The following FAM118A variants were observed in gnomAD, a reference collection of about 807,000 sequenced individuals.
FAM118A encodes protein FAM118A.
FAM118A carries 25 observed loss-of-function variants against 38.2 expected under a neutral mutation model. That is an observed-to-expected ratio of 0.65 (90% confidence interval 0.48 to 0.91). The LOEUF (loss-of-function observed/expected upper bound fraction) is 0.91. Ranked by LOEUF, FAM118A falls within the 40% of genes least tolerant of loss-of-function variation. The pLI, the probability that FAM118A is intolerant of heterozygous loss-of-function variation, is 0.00. For synonymous variants in FAM118A, 178 were observed against 184.1 expected (o/e 0.97, Z 0.27); for missense variants, 425 against 463.3 (o/e 0.92, Z 0.76).
chr22:45,333,529 C>T (rs2085869066), intron 6 of FAM118A, among the ~76,000 whole-genome samples: 1 of 151,982 alleles, frequency 6.6e-6, no homozygotes, highest in Non-Finnish European at 1.5e-5. Context: ...AAAAAATTAG[C>T]TGGGCATGGT....
At position 45,316,615 on chromosome 22, in the gene FAM118A, CAT is replaced by C. The variant is rs139578172; in HGVS notation, c.-9-5755_-9-5754del. Among the ~76,000 whole-genome samples, 632 of 152,266 alleles carry C rather than the reference CAT, an allele frequency of 4.2e-3. 1 individual carries two copies. The highest frequency in any genetic ancestry group is 7.9e-3 in the Non-Finnish European group (538 of 68,006). On this transcript the variant is annotated intron_variant, in intron 1 of 8. Coordinates refer to ENST00000441876, the MANE Select transcript of FAM118A (RefSeq NM_017911.4). ...GATAGATTCTGGCCTCCTTTAAGGA[CAT>C]TCCAGTCCTCAAGATCCACCCTGGC... is the stretch of plus-strand genomic sequence containing the variant.
intron 7 of FAM118A, 69 bp downstream of exon 7, chr22:45,335,451 T>G: frequency 6.5e-7 from 1 of 1,549,776 alleles, no homozygotes; most frequent in South Asian, 1.1e-5. Context: ...TGTCACTAAC[T>G]GTAAAATCAT....
chr22:45,318,532 T>A (rs1347342049), intron 1 of FAM118A: 1 of 152,218 alleles, frequency 6.6e-6, no homozygotes, highest in Non-Finnish European at 1.5e-5. Context: ...GCTTTTGAGA[T>A]CACCTTACTT....
In FAM118A at chr22:45,336,336, T is replaced by C. The variant is rs771799467; in HGVS notation, c.979T>C (p.Cys327Arg). ...AAATTCTTCTCTTTTAGGTAATGCA[T>C]GCCAGGACTGTGCAAAGAGGAAGTT... ...VDSTTLLGNA[C>R]QDCAKRKLEE... Residue 327 changes from cysteine (C) to arginine (R), a missense_variant, in exon 8 of 9, where the codon TGC becomes CGC. By Grantham distance (180) the Cys-to-Arg change is radical (BLOSUM62 -3). Transcript: ENST00000441876. 1.9e-6 allele frequency: 3 copies of C among 1,613,650 alleles called. No homozygotes were observed. Among genetic ancestry groups the C allele is most frequent in the Admixed American group, 3.3e-5 (2 of 60,018 alleles).
At chr22:45,319,471 G>A (rs1221295339) in intron 1 of FAM118A, among the ~76,000 whole-genome samples, 1 of 152,200 alleles carries the variant, frequency 6.6e-6, no homozygotes, top group Non-Finnish European at 1.5e-5. Flanking sequence ...GGCCGGGAGT[G>A]TGCAGGCCGC....
intron 3 of FAM118A, among the ~76,000 whole-genome samples, chr22:45,327,536 C>T (rs2085364899): frequency 1.3e-5 from 2 of 152,312 alleles, no homozygotes; most frequent in South Asian, 2.1e-4. Flanking sequence ...CGAGCCCTCA[C>T]CTCCTCAGGC....
At chr22:45,325,914 A>C (rs886819396) in intron 3 of FAM118A, among the ~76,000 whole-genome samples, 1 of 152,076 alleles carries the variant, frequency 6.6e-6, no homozygotes, top group Non-Finnish European at 1.5e-5. Context: ...GAAGGTGAGC[A>C]TTCCCAGGAG....
In FAM118A at chr22:45,320,437, CT is replaced by C. The variant is rs1159738857; in HGVS notation, c.-9-1923del. On this transcript the variant is annotated intron_variant, in intron 1 of 8. Transcript: ENST00000441876. ...TTTTCTTTTCTTCCTTCTTCTTCTT[CT>C]TTTTTTTTTTCTTTTTAAGACAGGG... 8.1e-3 allele frequency among the ~76,000 whole-genome samples: 950 copies of C among 116,722 alleles called. 12 individuals carry two copies. Among genetic ancestry groups the C allele is most frequent in the African/African-American group, 0.027 (839 of 31,262 alleles). 76.6% of individuals were successfully genotyped at this position (116,722 alleles called of 152,430 possible).
At position 45,338,452 on chromosome 22, in the gene FAM118A, C is replaced by T. The variant is rs112117193; in HGVS notation, c.1055-1934C>T. 7.9e-5 allele frequency among the ~76,000 whole-genome samples: 12 copies of T among 152,302 alleles called. 1 individual carries two copies. Among genetic ancestry groups the T allele is most frequent in the African/African-American group, 2.6e-4 (11 of 41,570 alleles). The stretch of plus-strand genomic sequence containing the variant: ...CTATGTTGGCCAGGCTGGTCTCAAA[C>T]TCCTGACCTTGTGATCCACCCACTT... On this transcript the variant is annotated intron_variant, in intron 8 of 8. Coordinates refer to ENST00000441876, the MANE Select transcript of FAM118A (RefSeq NM_017911.4).
intron 7 of FAM118A, 61 bp from the exon 8 acceptor site, chr22:45,336,267 A>G: frequency 7.2e-7 from 1 of 1,385,306 alleles, no homozygotes; most frequent in South Asian, 1.2e-5. Context: ...CACATTATGA[A>G]CTGTGCCTTG....
At chr22:45,314,791 G>T (rs188294402) in intron 1 of FAM118A, among the ~76,000 whole-genome samples, 3 of 152,310 alleles carry the variant, frequency 2.0e-5, no homozygotes, top group Non-Finnish European at 2.9e-5. Context: ...TGTCACATCT[G>T]GTGGACAAAC....
chr22:45,319,480 G>A (rs900779010), intron 1 of FAM118A, among the ~76,000 whole-genome samples: 8 of 152,198 alleles, frequency 5.3e-5, no homozygotes, highest in African/African-American at 1.7e-4. Context: ...TGTGCAGGCC[G>A]CCTCATCCAC....
chr22:45,319,062 C>T (rs531719990), intron 1 of FAM118A: 3 of 152,326 alleles, frequency 2.0e-5, no homozygotes, highest in African/African-American at 7.2e-5. Context: ...TTTGTTCATA[C>T]TGTTTTTGAA....
chr22:45,338,726 T>G (rs1244153502), intron 8 of FAM118A, among the ~76,000 whole-genome samples: 1 of 152,236 alleles, frequency 6.6e-6, no homozygotes, highest in East Asian at 1.9e-4. Context: ...AATACCTATA[T>G]AGCAGTCCAC....
intron 1 of FAM118A, among the ~76,000 whole-genome samples, chr22:45,319,198 A>G (rs1169570219): frequency 2.0e-5 from 3 of 152,244 alleles, no homozygotes; most frequent in Non-Finnish European, 2.9e-5. Context: ...TTACTGTGGT[A>G]ACAGTTTTAG....
At chr22:45,323,065 G>GTGTGTA in intron 2 of FAM118A, 110 bp from the exon 3 acceptor site, 3 of 1,112,256 alleles carry the variant, frequency 2.7e-6, no homozygotes, top group Non-Finnish European at 2.6e-6. Context: ...GTGTGTGTGT[G>GTGTGTA]TGTGTGTGTG....
At chr22:45,334,531 T>G (rs2085950516) in intron 6 of FAM118A, among the ~76,000 whole-genome samples, 1 of 152,182 alleles carries the variant, frequency 6.6e-6, no homozygotes, top group Non-Finnish European at 1.5e-5. Flanking sequence ...GGGCAACAGC[T>G]TCTTATTAAG....
rs372688794 is a variant in FAM118A at position 45,322,006 on chromosome 22, G to A, written c.-9-365G>A. On this transcript the variant is annotated intron_variant, in intron 1 of 8. Transcript: ENST00000441876. ...TTGCTGTGTTTTGCTTCTCTGATAAGTCATCTGTGTTCATGTGCACTGGAA... is the reference window on the plus strand; with the variant it reads ...TTGCTGTGTTTTGCTTCTCTGATAAATCATCTGTGTTCATGTGCACTGGAA... 4.5e-5 allele frequency: 16 copies of A among 351,794 alleles called. No individual in the cohort carries two copies. The East Asian group carries it at 1.1e-3, about 25-fold the overall frequency. The allele number at this position is 351,794 out of a possible 1,614,324, so 21.8% of individuals were successfully genotyped here.
intron 1 of FAM118A, among the ~76,000 whole-genome samples, chr22:45,317,657 C>T (rs1242497855): frequency 2.6e-5 from 4 of 152,240 alleles, no homozygotes; most frequent in Non-Finnish European, 5.9e-5. Context: ...TAAACAGCCA[C>T]AGCCTATTTG....
Sources: gnomAD v4.1 joint callset for allele counts (sites outside exome capture counted in the v4.1 genomes callset) on GRCh38, gnomAD v4.1.1 for gene constraint, MANE v1.5 for transcripts, NCBI Gene and HGNC (gene_info 2026-07-23, HGNC 2026-07-21) for gene names.